The following SMPX variants were observed in gnomAD, a reference collection of about 807,000 sequenced individuals.
The protein encoded by SMPX is small muscular protein.
SMPX carries 2 observed loss-of-function variants against 6.3 expected under a neutral mutation model. The observed-to-expected ratio is 0.32, with a 90% confidence interval of 0.13 to 0.99. The LOEUF (loss-of-function observed/expected upper bound fraction) is 0.99, where lower values mean the gene tolerates loss of function less well. Among genes scored for constraint, SMPX ranks in the 50% least tolerant of loss-of-function variants. The pLI is 0.49. For missense variants in SMPX, 60 were observed against 66.8 expected (o/e 0.90, Z 0.36); for synonymous variants, 32 against 24.7 (o/e 1.30, Z -0.88).
chrX:21,719,884 A>C (rs1206040761), intron 4 of SMPX, among the ~76,000 whole-genome samples: 1 of 112,211 alleles, frequency 8.9e-6, no homozygotes, highest in African/African-American at 3.2e-5. Context: ...AAGATAAACA[A>C]CTTTTGGTGT....
intron 4 of SMPX, among the ~76,000 whole-genome samples, chrX:21,731,150 G>T (rs1472004739): frequency 2.7e-5 from 3 of 110,408 alleles, no homozygotes; most frequent in Non-Finnish European, 5.7e-5. Context: ...TTAGAAGCAT[G>T]TTGTTTAAGT....
rs1332133473 is a variant in SMPX, at chrX:21,706,026, C to T, written c.*383G>A. 1.0e-5 allele frequency: 5 copies of T among 493,145 alleles called. No homozygotes were observed. Among genetic ancestry groups the T allele is most frequent in the Admixed American group, 8.4e-5 (3 of 35,569 alleles). 40.6% of individuals were successfully genotyped at this position (493,145 alleles called of 1,213,427 possible). A position where few individuals can be genotyped will look rare whatever the true frequency, so the allele number is the denominator to read the frequency against. On this transcript the variant is annotated 3_prime_UTR_variant, in exon 5 of 5. Coordinates refer to ENST00000379494, the MANE Select transcript of SMPX (RefSeq NM_014332.3). ...TTTGAACTCATACAAAGTTTAGTGACATAATTTAAAAGGTGAAGAACTAAA... is the reference window on the plus strand; with the variant it reads ...TTTGAACTCATACAAAGTTTAGTGATATAATTTAAAAGGTGAAGAACTAAA...
chrX:21,713,432 CTG>C (rs1339761017), intron 4 of SMPX, among the ~76,000 whole-genome samples: 1 of 111,856 alleles, frequency 8.9e-6, no homozygotes, highest in Non-Finnish European at 1.9e-5. Flanking sequence ...ATACTCAAGA[CTG>C]TGTAATTTAT....
At chrX:21,709,456 T>C (rs928154465) in intron 4 of SMPX, among the ~76,000 whole-genome samples, 1 of 112,576 alleles carries the variant, frequency 8.9e-6, no homozygotes, top group Non-Finnish European at 1.9e-5. Context: ...TTTAAGGATA[T>C]AAATATGTCC....
intron 4 of SMPX, among the ~76,000 whole-genome samples, chrX:21,734,366 C>T (rs1189861048): frequency 9.0e-6 from 1 of 111,684 alleles, no homozygotes; most frequent in African/African-American, 3.3e-5. Context: ...GTATCTGCTA[C>T]AACTGTAAGC....
intron 4 of SMPX, among the ~76,000 whole-genome samples, chrX:21,734,774 C>T (rs1369144516): frequency 9.0e-6 from 1 of 111,293 alleles, no homozygotes; most frequent in Non-Finnish European, 1.9e-5. Flanking sequence ...AGTCACTGGC[C>T]TTTCTGATTC....
intron 4 of SMPX, among the ~76,000 whole-genome samples, chrX:21,709,904 A>G (rs1472084874): frequency 2.7e-5 from 3 of 111,975 alleles, no homozygotes; most frequent in Non-Finnish European, 5.6e-5. Flanking sequence ...TAACTGAAGC[A>G]TGTTTTATGA....
At chrX:21,751,255 C>T (rs1487711950) in intron 2 of SMPX, among the ~76,000 whole-genome samples, 1 of 112,063 alleles carries the variant, frequency 8.9e-6, no homozygotes, top group Admixed American at 9.4e-5. Flanking sequence ...AAGTTGTGGA[C>T]TCTGAGAAAA....
chrX:21,722,297 G>A (rs1220778218), intron 4 of SMPX, among the ~76,000 whole-genome samples: 7 of 112,624 alleles, frequency 6.2e-5, no homozygotes, highest in Non-Finnish European at 1.9e-5. Flanking sequence ...GACAGCCACA[G>A]AAGTATACTT....
intron 3 of SMPX, among the ~76,000 whole-genome samples, chrX:21,742,760 A>G (rs1391438987): frequency 8.9e-6 from 1 of 112,393 alleles, no homozygotes; most frequent in Non-Finnish European, 1.9e-5. Context: ...AAAAAAGGTT[A>G]CAAGCAGGAC....
In SMPX at chrX:21,707,560, T is replaced by C. The variant is rs1451868055; in HGVS notation, c.*15-1166A>G. On this transcript the variant is annotated intron_variant, in intron 4 of 4. Transcript: ENST00000379494. ...TGTTCTTCACCTCTCCCTACTACCATGTAACTTTGTAGTTTTCTACCACTG... is the reference window on the plus strand; with the variant it reads ...TGTTCTTCACCTCTCCCTACTACCACGTAACTTTGTAGTTTTCTACCACTG... Among the ~76,000 whole-genome samples, 4 of 112,518 alleles carry C rather than the reference T, an allele frequency of 3.6e-5. No homozygotes were observed. The Admixed American group carries it at 3.8e-4, about 11-fold the overall frequency.
At chrX:21,748,357 T>A (rs1355806339) in intron 2 of SMPX, among the ~76,000 whole-genome samples, 1 of 112,036 alleles carries the variant, frequency 8.9e-6, no homozygotes, top group Non-Finnish European at 1.9e-5. Flanking sequence ...CTCAACACTT[T>A]TTTGTTCCCT....
chrX:21,715,551 C>T (rs1486655437), intron 4 of SMPX, among the ~76,000 whole-genome samples: 3 of 111,027 alleles, frequency 2.7e-5, no homozygotes, highest in Non-Finnish European at 3.8e-5. Context: ...ATTTAACATC[C>T]ATATGAATCC....
rs1232060742 is a variant in SMPX at position 21,719,524 on chromosome X, AAAGAAG to A, written c.*15-13136_*15-13131del. ...TAGAGTGAGATTCCATCAAAAAAAA[AAAGAAG>A]AAGAAGAAGAAAAGAAAGAAAGAAA... On this transcript the variant is annotated intron_variant, in intron 4 of 4. Transcript: ENST00000379494. 5.5e-5 allele frequency among the ~76,000 whole-genome samples: 6 copies of A among 108,491 alleles called. No homozygotes were observed. In the South Asian group the frequency reaches 1.6e-3, roughly 30 times the overall value. The allele number at this position is 108,491 out of a possible 115,157, so 94.2% of individuals were successfully genotyped here.
intron 1 of SMPX, among the ~76,000 whole-genome samples, chrX:21,754,658 C>T (rs770189105): frequency 4.5e-4 from 50 of 112,304 alleles, no homozygotes; most frequent in Non-Finnish European, 8.6e-4. Flanking sequence ...ACCTTTGTTC[C>T]GGGCCTCTGA....
chrX:21,756,934 C>A (rs1267665079), intron 1 of SMPX, among the ~76,000 whole-genome samples: 1 of 112,235 alleles, frequency 8.9e-6, no homozygotes, highest in African/African-American at 3.2e-5. Flanking sequence ...CTGAGTTTTC[C>A]TGGCAGTTCT....
intron 4 of SMPX, among the ~76,000 whole-genome samples, chrX:21,719,375 G>A (rs925924072): frequency 7.2e-5 from 8 of 110,591 alleles, no homozygotes; most frequent in African/African-American, 2.0e-4. Context: ...AAAATTAGCC[G>A]GATGTGGTGA....
chrX:21,726,709 C>T (rs1454887410), intron 4 of SMPX, among the ~76,000 whole-genome samples: 1 of 112,060 alleles, frequency 8.9e-6, no homozygotes, highest in African/African-American at 3.3e-5. Context: ...GTGTGACAAT[C>T]AAAAATGTCT....
At chrX:21,718,707 T>C (rs2092788080) in intron 4 of SMPX, among the ~76,000 whole-genome samples, 1 of 111,791 alleles carries the variant, frequency 8.9e-6, no homozygotes, top group Admixed American at 9.5e-5. Context: ...TTCCTAATGA[T>C]TTAACCATAA....
Sources: gnomAD v4.1 joint callset for allele counts (sites outside exome capture counted in the v4.1 genomes callset) on GRCh38, gnomAD v4.1.1 for gene constraint, MANE v1.5 for transcripts, NCBI Gene and HGNC (gene_info 2026-07-23, HGNC 2026-07-21) for gene names.